Variants in SCNN1A observed in about 807,000 individuals in gnomAD.
The protein encoded by SCNN1A is epithelial sodium channel subunit alpha.
SCNN1A carries 65 observed loss-of-function variants against 68.6 expected under a neutral mutation model. The observed-to-expected ratio is 0.95, with a 90% confidence interval of 0.78 to 1.16. The LOEUF is 1.16. SCNN1A is among the 50% of genes most tolerant of loss of function. SCNN1A has a pLI of 0.00. For missense variants in SCNN1A, 880 were observed against 865.9 expected, an observed-to-expected ratio of 1.02 and a Z score of -0.20; for synonymous variants, 357 against 353.3, an observed-to-expected ratio of 1.01 and a Z score of -0.12.
At position 6,354,481 on chromosome 12, in the gene SCNN1A, G is replaced by A; in HGVS notation, c.1317C>T (p.Pro439=). ...CGCAYIFYPR[P]QNVEYCDYRK... is the part of the protein sequence containing the mutation. ...TGTAGTCACAGTACTCCACGTTCTG[G>A]GGCCGCGGATAGAAGATGTAGGCAC... The change falls in exon 8 of 13, where the codon CCC becomes CCT. Residue 439 remains proline, a synonymous_variant. Transcript: ENST00000228916. 1 of 1,613,558 alleles carries A rather than the reference G, an allele frequency of 6.2e-7. No individual in the cohort carries two copies. The highest frequency in any genetic ancestry group is 8.5e-7 in the Non-Finnish European group (1 of 1,179,972).
intron 7 of SCNN1A, 38 bp downstream of exon 7, chr12:6,354,712 G>A (rs1212356491): frequency 6.4e-7 from 1 of 1,562,998 alleles, no homozygotes; most frequent in African/African-American, 1.4e-5. Flanking sequence ...CAGGGCAGTG[G>A]CTGGGAGTGG....
At chr12:6,354,679 C>G (rs1043986903) in intron 7 of SCNN1A, 71 bp downstream of exon 7, 1 of 1,458,556 alleles carries the variant, frequency 6.9e-7, no homozygotes, top group Non-Finnish European at 9.6e-7. Context: ...CATACACAAC[C>G]CCTCCAGCTT....
rs1052312993 is a variant in SCNN1A, at chr12:6,351,640, A to G, written c.1361-2235T>C. ...AGATTCTGTCTCCAGAAGAAAAAAAAAAAAAAAGATTCAGAATAGGCAAAT... is the reference window on the plus strand; with the variant it reads ...AGATTCTGTCTCCAGAAGAAAAAAAGAAAAAAAGATTCAGAATAGGCAAAT... On this transcript the variant is annotated intron_variant, in intron 8 of 12. Transcript: ENST00000228916. The surrounding 1 kb of genome is among the most constrained non-coding windows in gnomAD (Gnocchi z 4.2). Among the ~76,000 whole-genome samples, 3 of 152,080 alleles carry G rather than the reference A, an allele frequency of 2.0e-5. No individual in the cohort carries two copies. Among genetic ancestry groups the G allele is most frequent in the Non-Finnish European group, 2.9e-5 (2 of 68,010 alleles).
Position 6,372,638 on chromosome 12 carries a change from A to G in SCNN1A, c.416+1730T>C, listed in dbSNP as rs1421905851. On this transcript the variant is annotated intron_variant, in intron 2 of 12. Coordinates refer to ENST00000228916, the MANE Select transcript of SCNN1A (RefSeq NM_001038.6). This position sits in a 1 kb window ranked among gnomAD's most constrained non-coding sequence, Gnocchi z 5.8. ...CCCTCCCTTTCCATCTCTCACTGAC[A>G]TATTTTCAACCACAAATATTTATTG... is the stretch of plus-strand genomic sequence containing the variant. Among the ~76,000 whole-genome samples the G allele has an allele frequency of 6.6e-6, 1 of 152,096 alleles. No homozygotes were observed. The highest frequency in any genetic ancestry group is 1.5e-5 in the Non-Finnish European group (1 of 68,020).
In SCNN1A at chr12:6,347,501, C is replaced by T. The variant is rs1001690809; in HGVS notation, c.*372G>A. On this transcript the variant is annotated 3_prime_UTR_variant, in exon 13 of 13. Coordinates refer to ENST00000228916, the MANE Select transcript of SCNN1A (RefSeq NM_001038.6). ...TGGGCAGGAAACCCGTGCATGCCTG[C>T]GTGTACCCTTGGTTGTGTTTTGTCC... The T allele has an allele frequency of 2.5e-5, 7 of 280,128 alleles. No homozygotes were observed. Among genetic ancestry groups the T allele is most frequent in the South Asian group, 1.4e-4 (3 of 22,002 alleles). The allele number at this position is 280,128 out of a possible 1,614,324, so 17.4% of individuals were successfully genotyped here. A position where few individuals can be genotyped will look rare whatever the true frequency, so the allele number is the denominator to read the frequency against.
intron 2 of SCNN1A, among the ~76,000 whole-genome samples, chr12:6,366,178 T>C (rs1391210066): frequency 6.6e-6 from 1 of 152,148 alleles, no homozygotes; most frequent in Non-Finnish European, 1.5e-5. Context: ...TTTTAAAAGA[T>C]TCTGACCCTG....
At chr12:6,357,815 A>G (rs1426402177) in intron 4 of SCNN1A, among the ~76,000 whole-genome samples, 2 of 152,188 alleles carry the variant, frequency 1.3e-5, no homozygotes, top group African/African-American at 2.4e-5. Flanking sequence ...CCTGGCCAAC[A>G]TGGTGAAACC....
chr12:6,367,184 G>A (rs1007028535), intron 2 of SCNN1A, among the ~76,000 whole-genome samples: 1 of 152,128 alleles, frequency 6.6e-6, no homozygotes. Flanking sequence ...GCTACAGTGA[G>A]CCGTGATCGT....
intron 12 of SCNN1A, 89 bp downstream of exon 12, chr12:6,348,638 C>T: frequency 1.7e-6 from 2 of 1,160,662 alleles, no homozygotes; most frequent in South Asian, 1.2e-5. Context: ...CCTTCTGGCC[C>T]ACAGAGACAA....
Position 6,374,486 on chromosome 12 carries a change from A to T in SCNN1A, c.298T>A (p.Trp100Arg). 1 of 1,614,276 alleles carries T rather than the reference A, an allele frequency of 6.2e-7. No homozygotes were observed. Among genetic ancestry groups the T allele is most frequent in the Non-Finnish European group, 8.5e-7 (1 of 1,180,050 alleles). ...TCTCCGAAAAGCAGGCCGAATTGCC[A>T]GTACATCATGCCAAAGGTGCAGAGC... ...LWLCTFGMMY[W>R]QFGLLFGEYF... is the part of the protein sequence containing the mutation. Residue 100 changes from tryptophan to arginine, a missense_variant, in exon 2 of 13, where the codon TGG becomes AGG. Around this residue, in one of 3 missense-constraint regions of SCNN1A, gnomAD observed 45 missense variants for 76.7 expected, o/e 0.59. Transcript: ENST00000228916. This position sits in a 1 kb window ranked among gnomAD's most constrained non-coding sequence, Gnocchi z 6.2.
intron 10 of SCNN1A, 26 bp from the exon 11 acceptor site, chr12:6,349,031 A>G (rs373010630): frequency 6.2e-7 from 1 of 1,613,586 alleles, no homozygotes; most frequent in Non-Finnish European, 8.5e-7. Context: ...GGTGTCATCA[A>G]GGTCACTCCC....
chr12:6,355,889 G>A lies in SCNN1A; in HGVS notation c.876-9C>T, dbSNP rs781491887. Reference sequence around the variant, plus strand: ...GGAAGTGAGAGTAATTCCTTATCAGGAAAGAGAGAGTAGGGTCAGAGAGGA... The same window carrying A: ...GGAAGTGAGAGTAATTCCTTATCAGAAAAGAGAGAGTAGGGTCAGAGAGGA... On this transcript the variant is annotated splice_polypyrimidine_tract_variant and intron_variant, in intron 4 of 12. Transcript: ENST00000228916. 12 of 1,540,130 alleles carry A rather than the reference G, an allele frequency of 7.8e-6. No individual in the cohort carries two copies. Among genetic ancestry groups the A allele is most frequent in the South Asian group, 4.5e-5 (4 of 89,562 alleles).
chr12:6,365,845 T>C (rs891100020), intron 2 of SCNN1A, among the ~76,000 whole-genome samples: 1 of 152,178 alleles, frequency 6.6e-6, no homozygotes, highest in African/African-American at 2.4e-5. Flanking sequence ...CCGTATGTAG[T>C]AGGCACTTTA....
intron 2 of SCNN1A, among the ~76,000 whole-genome samples, chr12:6,366,196 C>G (rs1441369936): frequency 4.6e-5 from 7 of 152,152 alleles, no homozygotes; most frequent in Non-Finnish European, 1.0e-4. Flanking sequence ...CTGTACACAG[C>G]TAGTGAGAAT....
intron 4 of SCNN1A, among the ~76,000 whole-genome samples, chr12:6,357,693 G>T (rs1473268657): frequency 6.6e-6 from 1 of 152,130 alleles, no homozygotes; most frequent in East Asian, 1.9e-4. Context: ...TCAGTATAAT[G>T]TGATGGTTAA....
chr12:6,371,333 C>T (rs912567417), intron 2 of SCNN1A, among the ~76,000 whole-genome samples: 2 of 151,990 alleles, frequency 1.3e-5, no homozygotes, highest in African/African-American at 2.4e-5. Context: ...CCCTCCTGCA[C>T]GCCTGACAAA....
Position 6,372,562 on chromosome 12 carries a change from C to A in SCNN1A, c.416+1806G>T, listed in dbSNP as rs1046745685. ...CTTTTTCCTGGACTGTCTAGGGCCC[C>A]GCATCCAGCAGAACCTAAGAACTGT... On this transcript the variant is annotated intron_variant, in intron 2 of 12. Coordinates refer to ENST00000228916, the MANE Select transcript of SCNN1A (RefSeq NM_001038.6). The surrounding 1 kb of genome is among the most constrained non-coding windows in gnomAD (Gnocchi z 5.8). Among the ~76,000 whole-genome samples the A allele has an allele frequency of 3.9e-5, 6 of 152,200 alleles. No homozygotes were observed. Among genetic ancestry groups the A allele is most frequent in the African/African-American group, 1.4e-4 (6 of 41,454 alleles).
At chr12:6,350,558 T>G (rs1948366834) in intron 8 of SCNN1A, among the ~76,000 whole-genome samples, 1 of 151,312 alleles carries the variant, frequency 6.6e-6, no homozygotes, top group East Asian at 2.0e-4. Context: ...GACAATAGGC[T>G]GGGTGCGGTG....
rs1305176796 is a variant in SCNN1A at position 6,374,803 on chromosome 12, A to G, written c.-20T>C. On this transcript the variant is annotated 5_prime_UTR_variant, in exon 2 of 13. Transcript: ENST00000228916. The surrounding 1 kb of genome is among the most constrained non-coding windows in gnomAD (Gnocchi z 6.2). The stretch of plus-strand genomic sequence containing the variant: ...CTCCATGAGACCTGGTATGGGCTGC[A>G]GAGGTCTAGGGTCCTGCTCCTCCAG... The G allele has an allele frequency of 1.9e-6, 3 of 1,613,508 alleles. No homozygotes were observed. Among genetic ancestry groups the G allele is most frequent in the Admixed American group, 1.7e-5 (1 of 59,970 alleles).
Sources: gnomAD v4.1 joint callset for allele counts (sites outside exome capture counted in the v4.1 genomes callset) on GRCh38, gnomAD v4.1.1 for gene constraint, gnomAD v4.1.1 regional missense constraint, Gnocchi (gnomAD v3.1) non-coding constraint, MANE v1.5 for transcripts, NCBI Gene and HGNC (gene_info 2026-07-23, HGNC 2026-07-21) for gene names.